The following NPAS3 variants were observed in gnomAD, a reference collection of about 807,000 sequenced individuals.
NPAS3 encodes the protein neuronal PAS domain protein 3.
In NPAS3, 14 loss-of-function variants were observed where a neutral mutation model predicts 73.1. The ratio of observed to expected loss-of-function variants is 0.19; its 90% CI spans 0.13 to 0.30. The LOEUF is 0.30. NPAS3 is among the 10% of genes least tolerant of loss of function. The probability of loss-of-function intolerance (pLI) is 1.00; values close to 1 mark genes in which losing one functional copy is unlikely to be tolerated. For synonymous variants in NPAS3, 620 were observed against 541.5 expected, an observed-to-expected ratio of 1.14 and a Z score of -2.01; for missense variants, 1,096 against 1,250.0, an observed-to-expected ratio of 0.88 and a Z score of 1.86.
intron 1 of NPAS3, among the ~76,000 whole-genome samples, chr14:33,035,287 T>C (rs1408275157): frequency 1.3e-5 from 2 of 152,230 alleles, no homozygotes; most frequent in African/African-American, 4.8e-5. Flanking sequence ...TTATGTGTGT[T>C]ATTATTACCT....
At chr14:33,151,938 T>C (rs2044460994) in intron 2 of NPAS3, among the ~76,000 whole-genome samples, 1 of 152,188 alleles carries the variant, frequency 6.6e-6, no homozygotes, top group African/African-American at 2.4e-5. Context: ...GTGGTGTGTA[T>C]TGGATAGATA....
At chr14:33,728,345 C>A (rs890764130) in intron 6 of NPAS3, among the ~76,000 whole-genome samples, 9 of 152,160 alleles carry the variant, frequency 5.9e-5, no homozygotes, top group African/African-American at 1.7e-4. Context: ...AAGGTTATTA[C>A]ATCATTATTG....
chr14:33,378,629 C>G (rs773593130), intron 4 of NPAS3, among the ~76,000 whole-genome samples: 135 of 152,050 alleles, frequency 8.9e-4, no homozygotes, highest in Non-Finnish European at 1.6e-3. Flanking sequence ...GAGCAAGACT[C>G]CACCTCAAAA....
intron 3 of NPAS3, among the ~76,000 whole-genome samples, chr14:33,267,853 A>T (rs1406395949): frequency 6.6e-6 from 1 of 152,126 alleles, no homozygotes; most frequent in African/African-American, 2.4e-5. Context: ...ACATATTGGG[A>T]TGAAGTGAGT....
At chr14:33,802,376 T>TAAAAAAAGAAAAAAAAAAA (rs2063733339), downstream of NPAS3, 1 of 95,730 alleles carries the variant, frequency 1.0e-5, no homozygotes, top group Non-Finnish European at 2.0e-5. Context: ...GCACATTAAG[T>TAAAAAAAGAAAAAAAAAAA]AAAAAAAAAA....
intron 3 of NPAS3, among the ~76,000 whole-genome samples, chr14:33,297,546 T>C (rs1049431667): frequency 6.6e-6 from 1 of 152,186 alleles, no homozygotes; most frequent in African/African-American, 2.4e-5. Flanking sequence ...TCACTAAAAA[T>C]GTTGCTCAGT....
intron 4 of NPAS3, among the ~76,000 whole-genome samples, chr14:33,453,960 G>C (rs886959287): frequency 6.6e-6 from 1 of 152,196 alleles, no homozygotes; most frequent in African/African-American, 2.4e-5. Context: ...AAAGTGCTGG[G>C]AACACAGGCG....
In NPAS3 at chr14:32,993,716, G is replaced by A. The variant is rs188276540; in HGVS notation, c.50+54350G>A. Reference sequence around the variant, plus strand: ...GTTTTTATTTCCCACAGTAAATTAAGCATTCTTTCCAATGAATTTTTATGG... The same window carrying A: ...GTTTTTATTTCCCACAGTAAATTAAACATTCTTTCCAATGAATTTTTATGG... On this transcript the variant is annotated intron_variant, in intron 1 of 11. Transcript: ENST00000356141. Among the ~76,000 whole-genome samples the A allele has an allele frequency of 7.2e-5, 11 of 152,218 alleles. No homozygotes were observed. The East Asian group carries it at 2.1e-3, about 29-fold the overall frequency.
intron 3 of NPAS3, among the ~76,000 whole-genome samples, chr14:33,352,863 T>C (rs190422252): frequency 3.4e-4 from 52 of 152,180 alleles, no homozygotes; most frequent in Admixed American, 1.4e-3. Context: ...TTGAAGAAAA[T>C]AGTGACTTAA....
intron 2 of NPAS3, among the ~76,000 whole-genome samples, chr14:33,111,064 A>T (rs2042875197): frequency 6.6e-6 from 1 of 152,192 alleles, no homozygotes; most frequent in Non-Finnish European, 1.5e-5. Context: ...GAGGAGAGGG[A>T]TGAGGCTGAT....
At chr14:33,174,955 T>C (rs149153717) in intron 2 of NPAS3, among the ~76,000 whole-genome samples, 108 of 152,312 alleles carry the variant, frequency 7.1e-4, no homozygotes, top group East Asian at 2.1e-3. Context: ...GTTTCTTCAC[T>C]GGTCCATTTC....
chr14:33,065,959 G>C (rs1046964220), intron 2 of NPAS3, among the ~76,000 whole-genome samples: 1 of 152,022 alleles, frequency 6.6e-6, no homozygotes, highest in African/African-American at 2.4e-5. Context: ...ACTGTTTTAG[G>C]AGTAAAATTG....
intron 1 of NPAS3, among the ~76,000 whole-genome samples, chr14:32,953,095 A>AAAC (rs201497433): frequency 0.013 from 1,924 of 151,536 alleles, 31 homozygotes; most frequent in African/African-American, 0.041. Flanking sequence ...AACAAAAAGC[A>AAAC]AACAACAACA....
intron 3 of NPAS3, among the ~76,000 whole-genome samples, chr14:33,229,859 G>A (rs1039849235): frequency 6.6e-6 from 1 of 152,190 alleles, no homozygotes; most frequent in Non-Finnish European, 1.5e-5. Context: ...CTATTTTTAA[G>A]CAGAGCAGCA....
intron 2 of NPAS3, among the ~76,000 whole-genome samples, chr14:33,087,960 TCTC>T (rs1380883055): frequency 6.6e-6 from 1 of 152,156 alleles, no homozygotes; most frequent in Non-Finnish European, 1.5e-5. Context: ...ACAGCAAACA[TCTC>T]CACAAGTGAG....
At chr14:33,524,014 A>T (rs188111424) in intron 4 of NPAS3, among the ~76,000 whole-genome samples, 23 of 152,302 alleles carry the variant, frequency 1.5e-4, no homozygotes, top group Middle Eastern at 3.4e-3. Context: ...AGCCAAAAAT[A>T]ACTATAACTA....
chr14:33,076,964 A>G (rs530419140), intron 2 of NPAS3, among the ~76,000 whole-genome samples: 1 of 152,260 alleles, frequency 6.6e-6, no homozygotes, highest in South Asian at 2.1e-4. Flanking sequence ...GGACTTTGTG[A>G]GGCTTGATGA....
At chr14:33,089,550 G>A (rs1444844457) in intron 2 of NPAS3, among the ~76,000 whole-genome samples, 3 of 152,162 alleles carry the variant, frequency 2.0e-5, no homozygotes, top group Non-Finnish European at 2.9e-5. Context: ...GACGGGGAGA[G>A]TGGAACCAAG....
At chr14:33,489,252 A>G (rs75497121) in intron 4 of NPAS3, among the ~76,000 whole-genome samples, 2,048 of 152,300 alleles carry the variant, frequency 0.013, 18 homozygotes, top group Non-Finnish European at 0.022. Context: ...ACTCCGAAGG[A>G]AAGTCAATAT....
Sources: allele counts gnomAD v4.1 joint callset (sites outside exome capture counted in the v4.1 genomes callset), GRCh38; gene constraint gnomAD v4.1.1; transcripts MANE v1.5; gene names NCBI Gene and HGNC (gene_info 2026-07-23, HGNC 2026-07-21).